Variants in KDM2B observed in about 807,000 individuals in gnomAD.
KDM2B encodes the protein lysine-specific demethylase 2B.
In KDM2B, 26 loss-of-function variants were observed where a neutral mutation model predicts 150.0. That is an observed-to-expected ratio of 0.17 (90% CI 0.13 to 0.24). KDM2B has a LOEUF of 0.24. Ranked by LOEUF, KDM2B falls within the 10% of genes least tolerant of loss-of-function variation. The pLI is 1.00. For synonymous variants in KDM2B, 734 were observed against 729.5 expected (o/e 1.01, Z -0.10); for missense variants, 1,265 against 1,816.9 (o/e 0.70, Z 5.52).
At chr12:121,414,016 A>T in the KDM2B span, among the ~76,000 whole-genome samples, 3 of 152,156 alleles carry the variant, frequency 2.0e-5, no homozygotes, top group Admixed American at 1.3e-4. Flanking sequence ...TTTCTTTATA[A>T]TACAACATTA....
At chr12:121,443,246 T>G in intron 17 of KDM2B, 1 of 599,278 alleles carries the variant, frequency 1.7e-6, no homozygotes. Flanking sequence ...AGTTGAACTG[T>G]TCCCACCCAA....
intron 6 of KDM2B, among the ~76,000 whole-genome samples, chr12:121,541,931 G>C (rs532933727): frequency 2.0e-5 from 3 of 152,164 alleles, no homozygotes; most frequent in Non-Finnish European, 4.4e-5. Flanking sequence ...CCATGTCATA[G>C]AACTAGGCAA....
At chr12:121,579,972 T>C (rs1891829480) in intron 1 of KDM2B, 1 of 1,419,212 alleles carries the variant, frequency 7.0e-7, no homozygotes, top group Non-Finnish European at 9.3e-7. Flanking sequence ...ATCTATCATA[T>C]GCCAGATACA....
chr12:121,493,059 CTTTTTTTTTTTT>C (rs61628112), intron 12 of KDM2B, among the ~76,000 whole-genome samples: 15 of 54,080 alleles, frequency 2.8e-4, no homozygotes, highest in African/African-American at 1.7e-3. Context: ...TCATGCCTGG[CTTTTTTTTTTTT>C]TTTTTTTTTT....
intron 4 of KDM2B, among the ~76,000 whole-genome samples, chr12:121,567,787 T>C (rs1890814484): frequency 6.8e-6 from 1 of 147,860 alleles, no homozygotes; most frequent in Non-Finnish European, 1.5e-5. Flanking sequence ...CTCGGCTCAC[T>C]GTAACCTCCA....
At chr12:121,460,083 A>G (rs1257275726) in intron 12 of KDM2B, among the ~76,000 whole-genome samples, 2 of 152,220 alleles carry the variant, frequency 1.3e-5, no homozygotes, top group African/African-American at 4.8e-5. Flanking sequence ...TAACATCACT[A>G]ACTAATAAAG....
At chr12:121,444,633 C>T in intron 14 of KDM2B, 97 bp from the exon 15 acceptor site, 4 of 974,342 alleles carry the variant, frequency 4.1e-6, no homozygotes, top group Non-Finnish European at 4.9e-6. Flanking sequence ...AGCAGCAGCA[C>T]CCCCTCCCCA....
At chr12:121,439,795 A>T in intron 22 of KDM2B, 62 bp downstream of exon 22, 1 of 1,287,252 alleles carries the variant, frequency 7.8e-7, no homozygotes, top group Non-Finnish European at 1.1e-6. Flanking sequence ...TTTTCCACAA[A>T]TGTGAACCTC....
chr12:121,564,722 C>T (rs1009423381), intron 4 of KDM2B, among the ~76,000 whole-genome samples: 2 of 152,056 alleles, frequency 1.3e-5, no homozygotes, highest in Non-Finnish European at 2.9e-5. Flanking sequence ...AACAAGATTC[C>T]AATCAAAATT....
rs1883716091 is a variant in KDM2B at position 121,494,613 on chromosome 12, A to T, written c.1700T>A (p.Val567Asp). 3 of 1,613,424 alleles carry T rather than the reference A, an allele frequency of 1.9e-6. No individual in the cohort carries two copies. Among genetic ancestry groups the T allele is most frequent in the Non-Finnish European group, 2.5e-6 (3 of 1,179,854 alleles). Residue 567 changes from valine to aspartate, a missense_variant, in exon 12 of 23, where the codon GTC (valine) becomes GAC (aspartate). By Grantham distance (152) the Val-to-Asp change is radical. This residue lies in a region of KDM2B where 69 missense variants were observed against 85.7 expected (regional missense o/e 0.81). Coordinates refer to ENST00000377071, the MANE Select transcript of KDM2B (RefSeq NM_032590.5). ...CTTCTTTGGCCAAGTCACCACAGGG[A>T]CCCCAGTGATGGCCAGACTAGGGTC... ...DDDPSLAITG[V>D]PVVTWPKKTP... is the part of the protein sequence containing the mutation.
In KDM2B at chr12:121,442,599, T is replaced by C. The variant is rs1488499061; in HGVS notation, c.2842A>G (p.Arg948Gly). The C allele has an allele frequency of 1.9e-6, 3 of 1,601,990 alleles. No individual in the cohort carries two copies. The highest frequency in any genetic ancestry group is 1.1e-5 in the South Asian group (1 of 90,984). Residue 948 changes from arginine to glycine, a missense_variant, in exon 19 of 23, where the codon AGG becomes GGG. Transcript: ENST00000377071. The surrounding 1 kb of genome is among the most constrained non-coding windows in gnomAD (Gnocchi z 7.7). ...TGGTTGAGCTCCTTGCTCAGCTCCC[T>C]GCTCAGCTCCTTGTTGGGAAGCCGC... ...KRRLPNKELS[R>G]ELSKELNHEI...
chr12:121,523,809 C>T lies in KDM2B; in HGVS notation c.932-2709G>A, dbSNP rs546064749. Among the ~76,000 whole-genome samples, 5 of 152,360 alleles carry T rather than the reference C, an allele frequency of 3.3e-5. No homozygotes were observed. The East Asian group carries it at 9.6e-4, about 29-fold the overall frequency. ...TCGTTCTGTGCCTGGCTCCCCGGGT[C>T]TCTGGCGTGAGCCATGAAAGACAGC... On this transcript the variant is annotated intron_variant, in intron 8 of 22. Transcript: ENST00000377071.
chr12:121,480,405 T>C (rs782486614), intron 12 of KDM2B, among the ~76,000 whole-genome samples: 5 of 152,024 alleles, frequency 3.3e-5, no homozygotes, highest in Non-Finnish European at 5.9e-5. Flanking sequence ...CTCTTTGTTT[T>C]CTACAAATCA....
intron 13 of KDM2B, among the ~76,000 whole-genome samples, chr12:121,450,344 G>GA (rs1455924082): frequency 1.7e-4 from 25 of 151,252 alleles, no homozygotes; most frequent in Non-Finnish European, 3.5e-4. Flanking sequence ...AAAAAGAAAA[G>GA]AAAAAAGTAA....
At chr12:121,563,770 G>C (rs922175620) in intron 4 of KDM2B, among the ~76,000 whole-genome samples, 28 of 151,570 alleles carry the variant, frequency 1.8e-4, no homozygotes, top group Non-Finnish European at 1.0e-4. Flanking sequence ...AATACAAAAA[G>C]TAGCAAATCT....
At position 121,430,250 on chromosome 12, in the gene KDM2B, C is replaced by T. The variant is rs373927408; in HGVS notation, c.*38G>A. 6.2e-7 allele frequency: 1 copy of T among 1,614,080 alleles called. No homozygotes were observed. Among genetic ancestry groups the T allele is most frequent in the Non-Finnish European group, 8.5e-7 (1 of 1,179,962 alleles). On this transcript the variant is annotated 3_prime_UTR_variant, in exon 23 of 23. Coordinates refer to ENST00000377071, the MANE Select transcript of KDM2B (RefSeq NM_032590.5). This position sits in a 1 kb window ranked among gnomAD's most constrained non-coding sequence, Gnocchi z 4.4. ...CTCATTTTTGTAAAGTCTCTCCCCT[C>T]CCAGAGCCCGCCCCGTATTTACATA...
chr12:121,542,484 C>A (rs1888686806), intron 6 of KDM2B, among the ~76,000 whole-genome samples: 1 of 152,246 alleles, frequency 6.6e-6, no homozygotes, highest in Non-Finnish European at 1.5e-5. Context: ...TGAGCCAGAA[C>A]CACCCAGCTC....
rs781804723 is a variant in KDM2B, at chr12:121,444,589, G to A, written c.2104-53C>T. 3.3e-5 allele frequency: 48 copies of A among 1,472,810 alleles called. No individual in the cohort carries two copies. The South Asian group carries it at 4.2e-4, about 13-fold the overall frequency. The allele number at this position is 1,472,810 out of a possible 1,614,324, so 91.2% of individuals were successfully genotyped here. ...GGGACGGGCGGAGAAGATGGCCCAC[G>A]GGCACAAGGCTCTGTGACGCCACGT... On this transcript the variant is annotated intron_variant, in intron 14 of 22. Transcript: ENST00000377071.
At chr12:121,550,479 A>T (rs28379971) in intron 4 of KDM2B, among the ~76,000 whole-genome samples, 2 of 151,982 alleles carry the variant, frequency 1.3e-5, no homozygotes, top group African/African-American at 4.8e-5. Flanking sequence ...ACGGCCTATC[A>T]TTGTGTGACC....
Sources: gnomAD v4.1 joint callset for allele counts (sites outside exome capture counted in the v4.1 genomes callset) on GRCh38, gnomAD v4.1.1 for gene constraint, gnomAD v4.1.1 regional missense constraint, Gnocchi (gnomAD v3.1) non-coding constraint, MANE v1.5 for transcripts, NCBI Gene and HGNC (gene_info 2026-07-23, HGNC 2026-07-21) for gene names.